The following GNB5 variants were observed in gnomAD, a reference collection of about 807,000 sequenced individuals.
GNB5 encodes the protein guanine nucleotide-binding protein subunit beta-5.
In GNB5, 37 loss-of-function variants were observed where a neutral mutation model predicts 55.3. The ratio of observed to expected loss-of-function variants is 0.67; its 90% confidence interval spans 0.51 to 0.88. The LOEUF (loss-of-function observed/expected upper bound fraction) is 0.88, where lower values mean the gene tolerates loss of function less well. Ranked by LOEUF, GNB5 falls within the 40% of genes least tolerant of loss-of-function variation. The probability of loss-of-function intolerance (pLI) is 0.00; values close to 1 mark genes in which losing one functional copy is unlikely to be tolerated. For synonymous variants in GNB5, 219 were observed against 198.5 expected (o/e 1.10, Z -0.87); for missense variants, 476 against 515.3 (o/e 0.92, Z 0.74).
At chr15:52,171,360 G>C (rs2034551867) in intron 3 of GNB5, among the ~76,000 whole-genome samples, 1 of 151,988 alleles carries the variant, frequency 6.6e-6, no homozygotes, top group African/African-American at 2.4e-5. Context: ...CACAAACATG[G>C]AAACATAAGC....
intron 1 of GNB5, among the ~76,000 whole-genome samples, chr15:52,186,309 T>C (rs966119669): frequency 2.0e-5 from 3 of 152,230 alleles, no homozygotes; most frequent in Non-Finnish European, 2.9e-5. Flanking sequence ...CAAACAGAGA[T>C]AATGTCCAAG....
rs144350336 is a variant in GNB5 at position 52,161,447 on chromosome 15, G to A, written c.239-7371C>T. Among the ~76,000 whole-genome samples, 1,330 of 152,276 alleles carry A rather than the reference G, an allele frequency of 8.7e-3. 17 individuals are homozygous for A. Among genetic ancestry groups the A allele is most frequent in the Admixed American group, 0.014 (208 of 15,294 alleles). ...CAAGCAGCTGGGATTACAGGCACGC[G>A]CTACCACGCCCGGCTAATTTTCGTA... On this transcript the variant is annotated intron_variant, in intron 3 of 12. Transcript: ENST00000261837.
At position 52,147,551 on chromosome 15, in the gene GNB5, G is replaced by A. The variant is rs199692679; in HGVS notation, c.418-16C>T. ...CCGCGTGCTCCTGAAACACAGCACA[G>A]AGTGAACAACTAGCACTTCCACACA... is the stretch of plus-strand genomic sequence containing the variant. On this transcript the variant is annotated splice_polypyrimidine_tract_variant and intron_variant, in intron 5 of 12. Coordinates refer to ENST00000261837, the MANE Select transcript of GNB5 (RefSeq NM_016194.4). 7 of 1,439,184 alleles carry A rather than the reference G, an allele frequency of 4.9e-6. No individual in the cohort carries two copies. Among genetic ancestry groups the A allele is most frequent in the Admixed American group, 2.2e-5 (1 of 46,504 alleles). 89.2% of individuals were successfully genotyped at this position (1,439,184 alleles called of 1,614,324 possible).
At chr15:52,156,804 C>G (rs2034216850) in intron 3 of GNB5, among the ~76,000 whole-genome samples, 1 of 152,128 alleles carries the variant, frequency 6.6e-6, no homozygotes, top group African/African-American at 2.4e-5. Context: ...CATGAATGTT[C>G]AATTATTATG....
At chr15:52,136,836 C>T (rs542808702) in intron 7 of GNB5, 1 of 356,918 alleles carries the variant, frequency 2.8e-6, no homozygotes, top group Admixed American at 3.9e-5. Context: ...TTCCCCATCC[C>T]TGTGTTAAAC....
At position 52,181,624 on chromosome 15, in the gene GNB5, CAAAAA is replaced by C. The variant is rs1181794576; in HGVS notation, c.127-1750_127-1746del. Among the ~76,000 whole-genome samples, 139 of 151,946 alleles carry C rather than the reference CAAAAA, an allele frequency of 9.1e-4. 1 individual carries two copies. The highest frequency in any genetic ancestry group is 3.3e-3 in the African/African-American group (138 of 41,370). On this transcript the variant is annotated intron_variant, in intron 2 of 12. Transcript: ENST00000261837. ...GAGCAAGACTCAAAAAAAACAAAAA[CAAAAA>C]CAAAAACAAAACAAAAAAAGGTAAG...
intron 2 of GNB5, among the ~76,000 whole-genome samples, chr15:52,183,817 T>G (rs1247160198): frequency 6.6e-6 from 1 of 152,240 alleles, no homozygotes; most frequent in Non-Finnish European, 1.5e-5. Flanking sequence ...GGACTAATTC[T>G]TAGGGCTTCA....
intron 2 of GNB5, 75 bp from the exon 3 acceptor site, chr15:52,179,954 A>T: frequency 7.0e-7 from 1 of 1,420,970 alleles, no homozygotes; most frequent in Non-Finnish European, 9.2e-7. Flanking sequence ...CCGCTCCAGC[A>T]GCCGTCCCCG....
rs1652907921 is a variant in GNB5, at chr15:52,120,629, A to T, written c.*2128T>A. On this transcript the variant is annotated 3_prime_UTR_variant, in exon 13 of 13. Coordinates refer to ENST00000261837, the MANE Select transcript of GNB5 (RefSeq NM_016194.4). Reference sequence around the variant, plus strand: ...GGAAGGCACAGTGCAGAGACAAAAAAAAAAATGGCTGTGGGAGAGAGGGTT... The same window carrying T: ...GGAAGGCACAGTGCAGAGACAAAAATAAAAATGGCTGTGGGAGAGAGGGTT... 6.6e-6 allele frequency: 1 copy of T among 151,920 alleles called. No homozygotes were observed. The highest frequency in any genetic ancestry group is 1.5e-5 in the Non-Finnish European group (1 of 68,008). 9.4% of individuals were successfully genotyped at this position (151,920 alleles called of 1,614,324 possible).
At chr15:52,187,152 A>C (rs1336396938) in intron 1 of GNB5, among the ~76,000 whole-genome samples, 1 of 152,212 alleles carries the variant, frequency 6.6e-6, no homozygotes, top group African/African-American at 2.4e-5. Context: ...GTGAGTTAAC[A>C]AAAAAGGGCC....
chr15:52,167,119 T>C (rs1429157815), intron 3 of GNB5, among the ~76,000 whole-genome samples: 2 of 152,066 alleles, frequency 1.3e-5, no homozygotes, highest in Admixed American at 1.3e-4. Context: ...CTCCCAAGAC[T>C]GAACCAGGAA....
intron 3 of GNB5, among the ~76,000 whole-genome samples, chr15:52,157,005 G>A (rs1282432226): frequency 6.7e-6 from 1 of 148,642 alleles, no homozygotes. Context: ...GCGGGATCTC[G>A]GCTCACTGCA....
intron 3 of GNB5, among the ~76,000 whole-genome samples, chr15:52,166,352 T>C (rs931298871): frequency 1.1e-4 from 16 of 152,160 alleles, no homozygotes; most frequent in African/African-American, 3.9e-4. Flanking sequence ...CTGACAGATA[T>C]CTACAGAATT....
intron 5 of GNB5, among the ~76,000 whole-genome samples, chr15:52,148,524 C>G (rs907550218): frequency 3.9e-5 from 6 of 152,208 alleles, no homozygotes; most frequent in African/African-American, 1.2e-4. Context: ...GGGTCCACGT[C>G]TCCCATGGGA....
chr15:52,177,726 G>A (rs2034680008), intron 3 of GNB5, among the ~76,000 whole-genome samples: 1 of 152,082 alleles, frequency 6.6e-6, no homozygotes, highest in African/African-American at 2.4e-5. Flanking sequence ...ATGTCAAAGG[G>A]GAAGAGGTCA....
chr15:52,163,753 C>G (rs1328397968), intron 3 of GNB5, among the ~76,000 whole-genome samples: 1 of 152,198 alleles, frequency 6.6e-6, no homozygotes, highest in East Asian at 1.9e-4. Context: ...TTAAGCGGGT[C>G]CCTGATCCCA....
intron 7 of GNB5, among the ~76,000 whole-genome samples, chr15:52,136,135 C>CAT (rs2033710590): frequency 7.8e-6 from 1 of 127,650 alleles, no homozygotes; most frequent in African/African-American, 3.3e-5. Flanking sequence ...CACACACACA[C>CAT]ACACACACAC....
intron 7 of GNB5, chr15:52,136,997 T>C (rs567020959): frequency 1.2e-4 from 54 of 454,084 alleles, no homozygotes; most frequent in African/African-American, 8.6e-4. Context: ...AACAGCTTGC[T>C]CATCCAGACT....
At chr15:52,125,674 T>A in intron 11 of GNB5, 1 of 295,474 alleles carries the variant, frequency 3.4e-6, no homozygotes. Context: ...CCTGAGAGCA[T>A]TGTGGAAGTG....
Sources: allele counts gnomAD v4.1 joint callset (sites outside exome capture counted in the v4.1 genomes callset), GRCh38; gene constraint gnomAD v4.1.1; transcripts MANE v1.5; gene names NCBI Gene and HGNC (gene_info 2026-07-23, HGNC 2026-07-21).